The following ALCAM variants were observed in gnomAD, a reference collection of about 807,000 sequenced individuals.
ALCAM encodes activated leukocyte cell adhesion molecule, also known as CD166 antigen.
ALCAM carries 30 observed loss-of-function variants against 70.9 expected under a neutral mutation model. That is an observed-to-expected ratio of 0.42 (90% CI 0.32 to 0.57). ALCAM has a LOEUF of 0.57. ALCAM is among the 20% of genes least tolerant of loss of function. The probability of loss-of-function intolerance (pLI) is 0.11; values close to 1 mark genes in which losing one functional copy is unlikely to be tolerated. For missense variants in ALCAM, 591 were observed against 695.1 expected (o/e 0.85, Z 1.68); for synonymous variants, 249 against 242.5 (o/e 1.03, Z -0.25).
rs777192728 is a variant in ALCAM, at chr3:105,524,239, A to G, written c.175-50A>G. 197 of 1,438,362 alleles carry G rather than the reference A, an allele frequency of 1.4e-4. 1 individual carries two copies. In the Admixed American group the frequency reaches 3.8e-3, roughly 28 times the overall value. The allele number at this position is 1,438,362 out of a possible 1,614,324, so 89.1% of individuals were successfully genotyped here. A position where few individuals can be genotyped will look rare whatever the true frequency, so the allele number is the denominator to read the frequency against. ...AAATGTTATTTTGAATGTAATCCTG[A>G]AACATCTGAATATGCTTGTGTTTAA... On this transcript the variant is annotated intron_variant, in intron 2 of 15. Transcript: ENST00000306107.
intron 1 of ALCAM, among the ~76,000 whole-genome samples, chr3:105,497,462 TA>T (rs1184440588): frequency 6.6e-6 from 1 of 152,216 alleles, no homozygotes; most frequent in Non-Finnish European, 1.5e-5. Flanking sequence ...CCTTGCTTAT[TA>T]TTTTTTTTAA....
At chr3:105,549,692 A>G (rs985611213) in intron 11 of ALCAM, among the ~76,000 whole-genome samples, 7 of 151,418 alleles carry the variant, frequency 4.6e-5, no homozygotes, top group African/African-American at 1.7e-4. Flanking sequence ...ACATACATAC[A>G]TACTTTGATA....
intron 1 of ALCAM, among the ~76,000 whole-genome samples, chr3:105,487,451 C>T (rs1938461876): frequency 6.6e-6 from 1 of 152,068 alleles, no homozygotes; most frequent in Non-Finnish European, 1.5e-5. Flanking sequence ...TTTCCTTCTC[C>T]CTAGCTTATG....
At chr3:105,400,888 G>A (rs1217334112) in intron 1 of ALCAM, among the ~76,000 whole-genome samples, 2 of 152,138 alleles carry the variant, frequency 1.3e-5, no homozygotes, top group Non-Finnish European at 2.9e-5. Context: ...TCTGTAAAAT[G>A]GGGAAGGTAA....
intron 13 of ALCAM, 36 bp from the exon 14 acceptor site, chr3:105,552,432 G>T: frequency 6.3e-7 from 1 of 1,589,262 alleles, no homozygotes; most frequent in Middle Eastern, 1.7e-4. Context: ...CCTTGGCATT[G>T]TCTGTAATTG....
intron 1 of ALCAM, among the ~76,000 whole-genome samples, chr3:105,510,154 T>C (rs1014052786): frequency 1.3e-5 from 2 of 151,856 alleles, no homozygotes; most frequent in African/African-American, 4.8e-5. Flanking sequence ...ATGGGGGTGG[T>C]CGGTGTGGAG....
chr3:105,493,011 A>G (rs1370896718), intron 1 of ALCAM, among the ~76,000 whole-genome samples: 1 of 152,060 alleles, frequency 6.6e-6, no homozygotes, highest in East Asian at 1.9e-4. Flanking sequence ...AGTACTTTAG[A>G]TATTTTTTAG....
At chr3:105,547,100 G>T in intron 9 of ALCAM, 49 bp from the exon 10 acceptor site, 1 of 1,451,422 alleles carries the variant, frequency 6.9e-7, no homozygotes, top group Non-Finnish European at 9.2e-7. Context: ...TAAATACACT[G>T]AGAATTTTAA....
chr3:105,498,460 A>G (rs1351070676), intron 1 of ALCAM, among the ~76,000 whole-genome samples: 1 of 152,042 alleles, frequency 6.6e-6, no homozygotes, highest in African/African-American at 2.4e-5. Context: ...TGAGTTTGGT[A>G]TCCTTGACAC....
chr3:105,403,369 C>T (rs990892234), intron 1 of ALCAM, among the ~76,000 whole-genome samples: 7 of 152,148 alleles, frequency 4.6e-5, no homozygotes, highest in Non-Finnish European at 8.8e-5. Context: ...ATACCTTCAC[C>T]GGAGCAGGCT....
At chr3:105,566,416 T>A (rs1407312079) in intron 14 of ALCAM, among the ~76,000 whole-genome samples, 1 of 152,246 alleles carries the variant, frequency 6.6e-6, no homozygotes, top group Admixed American at 6.5e-5. Flanking sequence ...CTTCCTTATA[T>A]ATGAAACCTT....
chr3:105,399,983 C>T (rs1242523683), intron 1 of ALCAM, among the ~76,000 whole-genome samples: 8 of 152,184 alleles, frequency 5.3e-5, no homozygotes. Context: ...CCCTGACTAT[C>T]ATCACCTACT....
intron 3 of ALCAM, among the ~76,000 whole-genome samples, chr3:105,530,835 T>G (rs180853455): frequency 2.6e-4 from 40 of 152,184 alleles, no homozygotes; most frequent in Admixed American, 1.9e-3. Context: ...AATCTAAAGA[T>G]ATCCATTTTG....
At chr3:105,415,955 T>C (rs1936497066) in intron 1 of ALCAM, among the ~76,000 whole-genome samples, 1 of 152,074 alleles carries the variant, frequency 6.6e-6, no homozygotes, top group African/African-American at 2.4e-5. Flanking sequence ...TGTATCTCTA[T>C]AATTTAAGGC....
At chr3:105,468,832 T>C (rs891197094) in intron 1 of ALCAM, among the ~76,000 whole-genome samples, 1 of 151,314 alleles carries the variant, frequency 6.6e-6, no homozygotes, top group African/African-American at 2.4e-5. Context: ...TTTAGTTAAG[T>C]ATTGTATTTT....
At chr3:105,572,772 G>A (rs1044480197) in intron 15 of ALCAM, among the ~76,000 whole-genome samples, 8 of 152,144 alleles carry the variant, frequency 5.3e-5, no homozygotes, top group East Asian at 1.9e-4. Flanking sequence ...GGAAACTTTC[G>A]TGACTCAGAA....
intron 1 of ALCAM, among the ~76,000 whole-genome samples, chr3:105,425,186 GAA>G (rs1344503373): frequency 3.3e-5 from 5 of 151,774 alleles, no homozygotes; most frequent in African/African-American, 4.8e-5. Flanking sequence ...CATTATTATT[GAA>G]TTCTTTTATA....
chr3:105,570,409 T>C (rs1332976821), intron 14 of ALCAM, among the ~76,000 whole-genome samples: 1 of 152,008 alleles, frequency 6.6e-6, no homozygotes, highest in African/African-American at 2.4e-5. Context: ...AAAGACATAA[T>C]ATTAAACACT....
intron 1 of ALCAM, among the ~76,000 whole-genome samples, chr3:105,513,685 TCAA>T (rs1939300526): frequency 6.6e-6 from 1 of 151,990 alleles, no homozygotes; most frequent in Non-Finnish European, 1.5e-5. Context: ...ACAACTTCAG[TCAA>T]TTCTGTTGCT....
Sources: allele counts gnomAD v4.1 joint callset (sites outside exome capture counted in the v4.1 genomes callset), GRCh38; gene constraint gnomAD v4.1.1; transcripts MANE v1.5; gene names NCBI Gene and HGNC (gene_info 2026-07-23, HGNC 2026-07-21).